The following UGGT2 variants were observed in gnomAD, a reference collection of about 807,000 sequenced individuals.
UGGT2 encodes the protein UDP-glucose glycoprotein glucosyltransferase 2, also known as UDP-glucose:glycoprotein glucosyltransferase 2.
Under a neutral mutation model 192.1 loss-of-function variants are expected in UGGT2, and 180 were observed. The ratio of observed to expected loss-of-function variants is 0.94; its 90% CI spans 0.83 to 1.06. The LOEUF is 1.06. Ranked by LOEUF, UGGT2 falls within the 50% of genes least tolerant of loss-of-function variation. The pLI is 0.00. For missense variants in UGGT2, 1,849 were observed against 1,795.7 expected (o/e 1.03, Z -0.54); for synonymous variants, 580 against 591.0 (o/e 0.98, Z 0.27).
At chr13:95,885,785 T>C (rs893879848) in intron 26 of UGGT2, among the ~76,000 whole-genome samples, 3 of 152,336 alleles carry the variant, frequency 2.0e-5, no homozygotes, top group East Asian at 3.9e-4. Context: ...AAGTATTCTC[T>C]GAATGTAGTG....
chr13:96,012,132 G>C (rs756745041), intron 5 of UGGT2, among the ~76,000 whole-genome samples: 2 of 151,958 alleles, frequency 1.3e-5, no homozygotes, highest in Non-Finnish European at 2.9e-5. Context: ...CAACAGAATG[G>C]AAAGTCTAAA....
chr13:95,905,875 A>G (rs932597147), intron 20 of UGGT2, among the ~76,000 whole-genome samples: 2 of 152,094 alleles, frequency 1.3e-5, no homozygotes, highest in African/African-American at 4.8e-5. Flanking sequence ...ATCCATCTGG[A>G]ATCAATTTTT....
intron 15 of UGGT2, among the ~76,000 whole-genome samples, chr13:95,945,234 T>C (rs972804329): frequency 6.6e-6 from 1 of 152,116 alleles, no homozygotes; most frequent in Non-Finnish European, 1.5e-5. Context: ...CTTCTCTCTT[T>C]ATAGTGCTAA....
chr13:95,807,739 G>A (rs530325284), intron 38 of UGGT2, among the ~76,000 whole-genome samples: 213 of 42,420 alleles, frequency 5.0e-3, no homozygotes, highest in African/African-American at 0.025. Flanking sequence ...TTTTTTTGCC[G>A]TATTCACAAT....
At chr13:95,994,855 T>C (rs1250344053) in intron 7 of UGGT2, among the ~76,000 whole-genome samples, 2 of 152,094 alleles carry the variant, frequency 1.3e-5, no homozygotes, top group African/African-American at 2.4e-5. Context: ...TGTTGTTTCA[T>C]GTCTTTGAGG....
chr13:95,931,725 G>T (rs1471487410), intron 17 of UGGT2, among the ~76,000 whole-genome samples: 2 of 152,126 alleles, frequency 1.3e-5, no homozygotes, highest in African/African-American at 4.8e-5. Flanking sequence ...GCGCCCGCCG[G>T]CCTGAGTGCA....
intron 16 of UGGT2, among the ~76,000 whole-genome samples, chr13:95,939,034 C>G (rs1283732144): frequency 1.3e-5 from 2 of 152,138 alleles, no homozygotes; most frequent in African/African-American, 4.8e-5. Context: ...TTCACTGTTG[C>G]CAAGAGCTTC....
At chr13:96,019,499 C>T (rs561819633) in intron 4 of UGGT2, among the ~76,000 whole-genome samples, 15 of 152,208 alleles carry the variant, frequency 9.9e-5, no homozygotes, top group South Asian at 6.2e-4. Flanking sequence ...GAAAACACCC[C>T]GAGAAAAGGC....
chr13:95,813,178 A>G (rs906454851), intron 38 of UGGT2, among the ~76,000 whole-genome samples: 4 of 152,162 alleles, frequency 2.6e-5, no homozygotes, highest in African/African-American at 9.6e-5. Flanking sequence ...ATTGGGTAAT[A>G]GCAGAGGCTG....
Position 95,900,821 on chromosome 13 carries a change from C to T in UGGT2, c.2620G>A (p.Val874Ile). Residue 874 changes from valine (V) to isoleucine (I), a missense_variant, in exon 22 of 39, where the codon GTC becomes ATC. Physicochemically the swap from Val to Ile is conservative, Grantham distance 29. Transcript: ENST00000376747. ...TTTCTACTTACTCTCCCATTGCTGACAATACCCATTTCTCCAGGACGTAAT... is the reference window on the plus strand; with the variant it reads ...TTTCTACTTACTCTCCCATTGCTGATAATACCCATTTCTCCAGGACGTAAT... ...LKLRPGEMGI[V>I]SNGRFLGPLD... 6.2e-7 allele frequency: 1 copy of T among 1,609,232 alleles called. No homozygotes were observed. Among genetic ancestry groups the T allele is most frequent in the Non-Finnish European group, 8.5e-7 (1 of 1,178,140 alleles).
chr13:95,904,086 A>C (rs2140299342), intron 20 of UGGT2, among the ~76,000 whole-genome samples: 1 of 152,036 alleles, frequency 6.6e-6, no homozygotes, highest in South Asian at 2.1e-4. Flanking sequence ...TCTAAGACTT[A>C]AGGGCTTTTT....
intron 12 of UGGT2, among the ~76,000 whole-genome samples, chr13:95,956,513 A>G (rs1437205111): frequency 6.6e-6 from 1 of 152,252 alleles, no homozygotes; most frequent in Admixed American, 6.5e-5. Context: ...TTGAATAGAT[A>G]TTCCTCTAGA....
At chr13:95,925,811 T>C in intron 19 of UGGT2, 37 bp from the exon 20 acceptor site, 1 of 1,437,654 alleles carries the variant, frequency 7.0e-7, no homozygotes, top group Non-Finnish European at 9.4e-7. Context: ...ATTAACTTTT[T>C]TTTTAAAAAA....
At chr13:95,898,878 T>C (rs746691365) in intron 22 of UGGT2, among the ~76,000 whole-genome samples, 3 of 152,198 alleles carry the variant, frequency 2.0e-5, no homozygotes, top group Non-Finnish European at 4.4e-5. Flanking sequence ...TTCTGTTCTT[T>C]AATAGATTTC....
rs147783604 is a variant in UGGT2, at chr13:95,859,199, A to G, written c.3825+392T>C. On this transcript the variant is annotated intron_variant, in intron 33 of 38. Transcript: ENST00000376747. ...AGCTTTTTTGTTTCAGTACTGTAAA[A>G]CTATTTTCTACGGTATAGGTATAGT... 1.3e-3 allele frequency among the ~76,000 whole-genome samples: 200 copies of G among 152,200 alleles called. 1 individual carries two copies. Among genetic ancestry groups the G allele is most frequent in the African/African-American group, 3.5e-3 (146 of 41,524 alleles).
chr13:95,888,039 C>A, intron 25 of UGGT2, 68 bp from the exon 26 acceptor site: 1 of 1,089,370 alleles, frequency 9.2e-7, no homozygotes, highest in Non-Finnish European at 1.3e-6. Flanking sequence ...TATGTATTTA[C>A]TATGTACCAG....
intron 10 of UGGT2, among the ~76,000 whole-genome samples, chr13:95,978,745 A>C (rs553064466): frequency 1.3e-5 from 2 of 152,180 alleles, no homozygotes; most frequent in Non-Finnish European, 2.9e-5. Context: ...TTACGATTAA[A>C]ATTTGAAGTC....
chr13:96,040,297 G>T (rs1005619276), intron 1 of UGGT2, among the ~76,000 whole-genome samples: 1 of 152,270 alleles, frequency 6.6e-6, no homozygotes. Context: ...AGGCTCTAAG[G>T]GAGACTGTTC....
chr13:95,834,904 C>T lies in UGGT2; in HGVS notation c.4402-1851G>A, dbSNP rs76455906. Among the ~76,000 whole-genome samples, 575 of 152,140 alleles carry T rather than the reference C, an allele frequency of 3.8e-3. 4 individuals carry two copies. The highest frequency in any genetic ancestry group is 0.013 in the African/African-American group (546 of 41,490). Reference sequence around the variant, plus strand: ...CTATCCAATACAAATGCAATGAAAACCATACACATAATTTGTGGGTTTTTT... The same window carrying T: ...CTATCCAATACAAATGCAATGAAAATCATACACATAATTTGTGGGTTTTTT... On this transcript the variant is annotated intron_variant, in intron 37 of 38. Transcript: ENST00000376747.
Sources: allele counts gnomAD v4.1 joint callset (sites outside exome capture counted in the v4.1 genomes callset), GRCh38; gene constraint gnomAD v4.1.1; transcripts MANE v1.5; gene names NCBI Gene and HGNC (gene_info 2026-07-23, HGNC 2026-07-21).